The following COG5 variants were observed in gnomAD, a reference collection of about 807,000 sequenced individuals.
COG5 encodes component of oligomeric golgi complex 5.
COG5 carries 86 observed loss-of-function variants against 110.4 expected under a neutral mutation model. That is an observed-to-expected ratio of 0.78 (90% CI 0.65 to 0.93). The LOEUF (loss-of-function observed/expected upper bound fraction) is 0.93. COG5 is among the 40% of genes least tolerant of loss of function. The probability of loss-of-function intolerance (pLI) is 0.00; values close to 1 mark genes in which losing one functional copy is unlikely to be tolerated. For missense variants in COG5, 1,077 were observed against 987.0 expected (o/e 1.09, Z -1.22); for synonymous variants, 360 against 334.6 (o/e 1.08, Z -0.83).
intron 7 of COG5, among the ~76,000 whole-genome samples, chr7:107,403,633 A>G (rs890239680): frequency 6.6e-6 from 1 of 151,830 alleles, no homozygotes; most frequent in Non-Finnish European, 1.5e-5. Flanking sequence ...AAGGATAAGC[A>G]GCTCTCTCAG....
chr7:107,391,697 T>C (rs979782697), intron 7 of COG5, among the ~76,000 whole-genome samples: 10 of 152,190 alleles, frequency 6.6e-5, no homozygotes, highest in African/African-American at 2.4e-4. Context: ...TTCCTTTGCA[T>C]GTGGGAGGAA....
chr7:107,381,144 T>C (rs1053651173), intron 7 of COG5, among the ~76,000 whole-genome samples: 1 of 152,232 alleles, frequency 6.6e-6, no homozygotes, highest in Non-Finnish European at 1.5e-5. Context: ...CTGAGTCATT[T>C]TGACAAAATA....
intron 6 of COG5, among the ~76,000 whole-genome samples, chr7:107,420,517 G>A (rs1317662518): frequency 6.6e-6 from 1 of 152,160 alleles, no homozygotes; most frequent in Non-Finnish European, 1.5e-5. Context: ...CTGGAGTGCA[G>A]TGGTGCAATC....
chr7:107,382,684 C>T (rs773961060), intron 7 of COG5, among the ~76,000 whole-genome samples: 1 of 152,102 alleles, frequency 6.6e-6, no homozygotes, highest in Non-Finnish European at 1.5e-5. Context: ...AGTGATCCAC[C>T]CGCCTCAGCC....
intron 8 of COG5, among the ~76,000 whole-genome samples, chr7:107,368,401 G>A (rs1813818749): frequency 6.6e-6 from 1 of 151,960 alleles, no homozygotes; most frequent in Admixed American, 6.6e-5. Context: ...AAAAACACAG[G>A]AAGTTATCAA....
intron 6 of COG5, among the ~76,000 whole-genome samples, chr7:107,515,977 T>C (rs1297133870): frequency 1.3e-5 from 2 of 152,220 alleles, no homozygotes; most frequent in African/African-American, 4.8e-5. Context: ...CATGCTTAAA[T>C]AACATCACCA....
At chr7:107,371,135 G>T (rs1814120563) in intron 8 of COG5, among the ~76,000 whole-genome samples, 1 of 152,084 alleles carries the variant, frequency 6.6e-6, no homozygotes, top group Non-Finnish European at 1.5e-5. Context: ...TCTTTACAAA[G>T]ATCTCTTTCT....
chr7:107,270,623 T>C (rs898277603), intron 14 of COG5, among the ~76,000 whole-genome samples: 4 of 146,996 alleles, frequency 2.7e-5, no homozygotes, highest in Admixed American at 2.0e-4. Flanking sequence ...AAAAGAAAGA[T>C]GTTATACACA....
At chr7:107,520,279 T>C (rs1286894548) in intron 6 of COG5, among the ~76,000 whole-genome samples, 1 of 152,152 alleles carries the variant, frequency 6.6e-6, no homozygotes, top group African/African-American at 2.4e-5. Flanking sequence ...CAACATAGCA[T>C]TGGAAGTTCT....
intron 13 of COG5, among the ~76,000 whole-genome samples, chr7:107,282,761 C>T (rs751772622): frequency 6.6e-5 from 10 of 152,130 alleles, no homozygotes; most frequent in Non-Finnish European, 1.3e-4. Context: ...GATCCACCCA[C>T]CTCCGCCTCC....
At chr7:107,282,066 T>G (rs1015342079) in intron 13 of COG5, among the ~76,000 whole-genome samples, 4 of 147,630 alleles carry the variant, frequency 2.7e-5, no homozygotes, top group Non-Finnish European at 4.5e-5. Flanking sequence ...AAATTAAAAA[T>G]AATATAGAAA....
intron 14 of COG5, among the ~76,000 whole-genome samples, chr7:107,266,154 G>A (rs1304642872): frequency 1.3e-5 from 2 of 152,170 alleles, no homozygotes; most frequent in East Asian, 1.9e-4. Context: ...GTTAGGGTAT[G>A]TTTTTGAAAA....
chr7:107,319,729 G>C (rs1809085523), intron 11 of COG5, among the ~76,000 whole-genome samples: 1 of 152,094 alleles, frequency 6.6e-6, no homozygotes, highest in South Asian at 2.1e-4. Context: ...ACGTGATTTA[G>C]GATCCAACAC....
At chr7:107,374,754 T>C (rs1001641824) in intron 7 of COG5, among the ~76,000 whole-genome samples, 12 of 152,050 alleles carry the variant, frequency 7.9e-5, no homozygotes, top group Non-Finnish European at 1.8e-4. Context: ...ATTTACAATA[T>C]TTATAATTCT....
At chr7:107,322,723 C>G (rs1809417393) in intron 11 of COG5, among the ~76,000 whole-genome samples, 1 of 152,156 alleles carries the variant, frequency 6.6e-6, no homozygotes, top group Non-Finnish European at 1.5e-5. Flanking sequence ...TCCACCCTTA[C>G]ATATTTGCAC....
intron 19 of COG5, among the ~76,000 whole-genome samples, chr7:107,228,306 C>CAA (rs201009011): frequency 0.02 from 1,321 of 67,406 alleles, 45 homozygotes; most frequent in African/African-American, 0.068. Flanking sequence ...CACCCGGTCT[C>CAA]AAAAAAAAAA....
Position 107,472,852 on chromosome 7 carries a change from CTG to C in COG5, c.538+54383_538+54384del, listed in dbSNP as rs570054273. The C allele has an allele frequency of 4.0e-5, 6 of 151,852 alleles. No individual in the cohort carries two copies. In the South Asian group the frequency reaches 1.2e-3, roughly 31 times the overall value. The allele number at this position is 151,852 out of a possible 1,614,324, so 9.4% of individuals were successfully genotyped here. The stretch of plus-strand genomic sequence containing the variant: ...TGAATATGATTTTGCAGTTGAAATG[CTG>C]TATTTGAAATGTGAAATATAGTTGG... On this transcript the variant is annotated intron_variant, in intron 6 of 21. Transcript: ENST00000297135.
At chr7:107,437,847 A>G (rs1239119206) in intron 6 of COG5, among the ~76,000 whole-genome samples, 1 of 152,120 alleles carries the variant, frequency 6.6e-6, no homozygotes, top group Admixed American at 6.6e-5. Context: ...GATCATAACT[A>G]ACCAAACTAT....
chr7:107,492,168 A>AGTGTGTGT (rs61526384), intron 6 of COG5, among the ~76,000 whole-genome samples: 14,384 of 141,614 alleles, frequency 0.1, 780 homozygotes, highest in African/African-American at 0.15. Flanking sequence ...AACAATGGGT[A>AGTGTGTGT]GTGTGTGTGT....
Sources: allele counts gnomAD v4.1 joint callset (sites outside exome capture counted in the v4.1 genomes callset), GRCh38; gene constraint gnomAD v4.1.1; transcripts MANE v1.5; gene names NCBI Gene and HGNC (gene_info 2026-07-23, HGNC 2026-07-21).